The following ATAD2B variants were observed in gnomAD, a reference collection of about 807,000 sequenced individuals.
ATAD2B encodes the protein ATPase family AAA domain-containing protein 2B.
A neutral mutation model predicts 167.6 loss-of-function variants in ATAD2B; 40 were observed. The observed-to-expected ratio is 0.24, with a 90% CI of 0.19 to 0.31. The LOEUF is 0.31. Among genes scored for constraint, ATAD2B ranks in the 10% least tolerant of loss-of-function variants. ATAD2B has a pLI of 1.00. For missense variants in ATAD2B, 1,242 were observed against 1,757.2 expected (o/e 0.71, Z 5.24); for synonymous variants, 579 against 596.5 (o/e 0.97, Z 0.43).
intron 8 of ATAD2B, among the ~76,000 whole-genome samples, chr2:23,870,632 GTTT>G (rs1695819960): frequency 2.2e-5 from 1 of 45,292 alleles, no homozygotes; most frequent in Non-Finnish European, 5.1e-5. Flanking sequence ...ATCGGTCACT[GTTT>G]GATAAATAAC....
chr2:23,771,346 G>C (rs1678291481), intron 22 of ATAD2B, among the ~76,000 whole-genome samples: 1 of 152,210 alleles, frequency 6.6e-6, no homozygotes, highest in African/African-American at 2.4e-5. Flanking sequence ...GATAGAAGTG[G>C]TAAGAGCAGA....
At chr2:23,688,605 G>C in the ATAD2B span, among the ~76,000 whole-genome samples, 152,019 of 152,088 alleles carry the variant, frequency 1, 75,975 homozygotes, top group Non-Finnish European at 1. Flanking sequence ...GCACCCCCAC[G>C]CCCAGAAGTA....
intron 18 of ATAD2B, among the ~76,000 whole-genome samples, chr2:23,808,469 A>C (rs978588565): frequency 6.6e-6 from 1 of 151,776 alleles, no homozygotes; most frequent in Non-Finnish European, 1.5e-5. Context: ...TAGTCCCTTC[A>C]TATTGTTTCT....
intron 13 of ATAD2B, among the ~76,000 whole-genome samples, chr2:23,845,168 A>G (rs192660960): frequency 1.8e-4 from 27 of 152,310 alleles, no homozygotes; most frequent in African/African-American, 6.0e-4. Context: ...GTTCTCAAAA[A>G]GTTAAACATA....
intron 17 of ATAD2B, among the ~76,000 whole-genome samples, chr2:23,817,348 T>C (rs766265752): frequency 9.9e-5 from 15 of 152,202 alleles, no homozygotes; most frequent in South Asian, 4.1e-4. Flanking sequence ...AAATGCAATA[T>C]GATTGTTAAG....
chr2:23,704,502 C>T, the ATAD2B span, among the ~76,000 whole-genome samples: 1 of 152,226 alleles, frequency 6.6e-6, no homozygotes, highest in Non-Finnish European at 1.5e-5. Flanking sequence ...TGCAGTGGCT[C>T]ACACCTGTAA....
chr2:23,778,725 C>A (rs1679539411), intron 22 of ATAD2B, among the ~76,000 whole-genome samples: 1 of 152,152 alleles, frequency 6.6e-6, no homozygotes, highest in African/African-American at 2.4e-5. Flanking sequence ...TTAATTCTTA[C>A]AACCATCCCA....
Position 23,748,830 on chromosome 2 carries a change from AC to A in ATAD2B, c.*3215del, listed in dbSNP as rs1188566455. 7.9e-5 allele frequency: 12 copies of A among 152,296 alleles called. No individual in the cohort carries two copies. The highest frequency in any genetic ancestry group is 4.6e-4 in the Admixed American group (7 of 15,286). The allele number at this position is 152,296 out of a possible 1,614,324, so 9.4% of individuals were successfully genotyped here. On this transcript the variant is annotated 3_prime_UTR_variant, in exon 28 of 28. Coordinates refer to ENST00000238789, the MANE Select transcript of ATAD2B (RefSeq NM_017552.4). Reference sequence around the variant, plus strand: ...ACACAATTCTAAATTAAAACTACAAACCCAAAATAGACCATAGTTGATGAAG... The same window carrying A: ...ACACAATTCTAAATTAAAACTACAAACCAAAATAGACCATAGTTGATGAAG...
At chr2:23,692,489 G>C in the ATAD2B span, among the ~76,000 whole-genome samples, 2 of 152,240 alleles carry the variant, frequency 1.3e-5, no homozygotes, top group Middle Eastern at 3.2e-3. Flanking sequence ...GCAGTGGCCT[G>C]GGGTGTGGAG....
the ATAD2B span, among the ~76,000 whole-genome samples, chr2:23,716,109 G>C: frequency 6.6e-6 from 1 of 152,230 alleles, no homozygotes; most frequent in African/African-American, 2.4e-5. Flanking sequence ...ACGTTCAGCT[G>C]TAAGAGTAAC....
chr2:23,883,890 T>G (rs1451900047), intron 6 of ATAD2B, among the ~76,000 whole-genome samples: 1 of 152,180 alleles, frequency 6.6e-6, no homozygotes, highest in Non-Finnish European at 1.5e-5. Flanking sequence ...ACGCCTGTAA[T>G]GCTAGCACTT....
chr2:23,831,752 A>G (rs1026297944), intron 14 of ATAD2B, among the ~76,000 whole-genome samples: 2 of 152,196 alleles, frequency 1.3e-5, no homozygotes, highest in Non-Finnish European at 2.9e-5. Context: ...AGTCATTCAC[A>G]CCACTTTTAC....
chr2:23,838,818 T>C (rs1232504429), intron 13 of ATAD2B, among the ~76,000 whole-genome samples: 5 of 152,182 alleles, frequency 3.3e-5, no homozygotes, highest in Non-Finnish European at 7.4e-5. Context: ...CTCCGTTCCA[T>C]TCATCTATTT....
intron 13 of ATAD2B, among the ~76,000 whole-genome samples, chr2:23,853,761 T>C (rs1274321007): frequency 6.6e-6 from 1 of 152,044 alleles, no homozygotes; most frequent in Non-Finnish European, 1.5e-5. Flanking sequence ...AAAGAACAAA[T>C]TTGGAGGACT....
chr2:23,918,734 G>A (rs987927598), intron 1 of ATAD2B, among the ~76,000 whole-genome samples: 1 of 152,142 alleles, frequency 6.6e-6, no homozygotes, highest in African/African-American at 2.4e-5. Context: ...GATTTTGGTG[G>A]AAACTACTGA....
At chr2:23,739,821 A>G in the ATAD2B span, among the ~76,000 whole-genome samples, 1 of 152,310 alleles carries the variant, frequency 6.6e-6, no homozygotes, top group Admixed American at 6.5e-5. Flanking sequence ...AATAAAGAAG[A>G]AAAGAGAGAA....
At chr2:23,896,088 G>T in intron 1 of ATAD2B, 118 bp from the exon 2 acceptor site, 1 of 705,852 alleles carries the variant, frequency 1.4e-6, no homozygotes, top group Non-Finnish European at 2.2e-6. Context: ...TGGCCGAGGT[G>T]GGCGATCACT....
chr2:23,876,300 T>C (rs914461173), intron 7 of ATAD2B, among the ~76,000 whole-genome samples: 2 of 146,362 alleles, frequency 1.4e-5, no homozygotes, highest in African/African-American at 5.2e-5. Flanking sequence ...CCCTGTTAAC[T>C]TTTTTTTCTT....
At chr2:23,924,655 A>C (rs983298378) in intron 1 of ATAD2B, among the ~76,000 whole-genome samples, 1 of 152,208 alleles carries the variant, frequency 6.6e-6, no homozygotes, top group Non-Finnish European at 1.5e-5. Flanking sequence ...AAGACTGAAA[A>C]ACAAATATTT....
Sources: allele counts gnomAD v4.1 joint callset (sites outside exome capture counted in the v4.1 genomes callset), GRCh38; gene constraint gnomAD v4.1.1; transcripts MANE v1.5; gene names NCBI Gene and HGNC (gene_info 2026-07-23, HGNC 2026-07-21).